The following MGAT5 variants were observed in gnomAD, a reference collection of about 807,000 sequenced individuals.
The protein encoded by MGAT5 is alpha-1,6-mannosylglycoprotein 6-beta-N-acetylglucosaminyltransferase A.
Under a neutral mutation model 94.3 loss-of-function variants are expected in MGAT5, and 30 were observed. The ratio of observed to expected loss-of-function variants is 0.32; its 90% confidence interval spans 0.24 to 0.43. The LOEUF (loss-of-function observed/expected upper bound fraction) is 0.43, where lower values mean the gene tolerates loss of function less well. Among genes scored for constraint, MGAT5 ranks in the 20% least tolerant of loss-of-function variants. The probability of loss-of-function intolerance (pLI) is 1.00; values close to 1 mark genes in which losing one functional copy is unlikely to be tolerated. For missense variants in MGAT5, 691 were observed against 905.5 expected (o/e 0.76, Z 3.04); for synonymous variants, 310 against 322.9 (o/e 0.96, Z 0.43).
chr2:134,159,370 T>G lies in MGAT5; in HGVS notation c.-143+39079T>G, dbSNP rs555068611. On this transcript the variant is annotated intron_variant, in intron 1 of 16. Transcript: ENST00000409645. ...AAGTGAATCTCTGGAGGAGAGAATG[T>G]TAAAGCATTTGAACGGTGACAAGAT... Among the ~76,000 whole-genome samples the G allele has an allele frequency of 1.1e-3, 160 of 152,272 alleles. 1 individual carries two copies. The highest frequency in any genetic ancestry group is 5.6e-3 in the South Asian group (27 of 4,826).
At chr2:134,380,245 A>T (rs1681450657) in intron 10 of MGAT5, among the ~76,000 whole-genome samples, 1 of 152,194 alleles carries the variant, frequency 6.6e-6, no homozygotes, top group Admixed American at 6.5e-5. Context: ...ACCTCATGGG[A>T]TTGTGGAAAG....
At chr2:134,368,283 C>T (rs1050306191) in intron 10 of MGAT5, among the ~76,000 whole-genome samples, 15 of 152,308 alleles carry the variant, frequency 9.8e-5, no homozygotes, top group African/African-American at 2.9e-4. Flanking sequence ...GGCTGCCCAC[C>T]GCAGGATCGC....
chr2:134,282,804 C>T (rs922680899), intron 2 of MGAT5, among the ~76,000 whole-genome samples: 1 of 152,146 alleles, frequency 6.6e-6, no homozygotes. Flanking sequence ...AAGAAAGCCT[C>T]TCTGAAGAAG....
At chr2:134,307,464 A>G (rs545273853) in intron 2 of MGAT5, among the ~76,000 whole-genome samples, 31 of 152,164 alleles carry the variant, frequency 2.0e-4, no homozygotes, top group Non-Finnish European at 4.0e-4. Context: ...TCTCCACTCA[A>G]AGAACATTAG....
chr2:134,172,580 T>G (rs891638123), intron 1 of MGAT5, among the ~76,000 whole-genome samples: 36 of 151,842 alleles, frequency 2.4e-4, no homozygotes, highest in African/African-American at 6.5e-4. Context: ...TAGAGACGGG[T>G]TTTCACCGTG....
chr2:134,258,239 C>T (rs895335933), intron 1 of MGAT5, among the ~76,000 whole-genome samples: 11 of 152,138 alleles, frequency 7.2e-5, no homozygotes, highest in East Asian at 1.9e-4. Flanking sequence ...CAGATAAACA[C>T]GGTAATTCCA....
chr2:134,189,592 G>GTTTTTTTTTTTTTTTTTTTTTTTTTTT (rs113582076), intron 1 of MGAT5, among the ~76,000 whole-genome samples: 8 of 56,272 alleles, frequency 1.4e-4, no homozygotes, highest in East Asian at 4.8e-4. Flanking sequence ...CATGGCTCTA[G>GTTTTTTTTTTTTTTTTTTTTTTTTTTT]TTTTTTTTTG....
At chr2:134,356,070 G>T (rs972806786) in intron 9 of MGAT5, among the ~76,000 whole-genome samples, 88 of 152,078 alleles carry the variant, frequency 5.8e-4, no homozygotes, top group Non-Finnish European at 1.3e-4. Flanking sequence ...ATTTATGCGT[G>T]TATGTGTTAA....
intron 10 of MGAT5, among the ~76,000 whole-genome samples, chr2:134,384,244 A>AT (rs1681823390): frequency 1.4e-5 from 2 of 147,276 alleles, no homozygotes; most frequent in Non-Finnish European, 3.0e-5. Context: ...TCATCCTCTC[A>AT]TCCAGATGTA....
rs183613170 is a variant in MGAT5 at position 134,387,013 on chromosome 2, T to G, written c.1381-15975T>G. On this transcript the variant is annotated intron_variant, in intron 10 of 15. Coordinates refer to ENST00000281923, the MANE Select transcript of MGAT5 (RefSeq NM_002410.5). Reference sequence around the variant, plus strand: ...GCGGTGGCTCACACATGTAATCCCATCACTTTGGGAGGCCAAGGTGGGCAG... The same window carrying G: ...GCGGTGGCTCACACATGTAATCCCAGCACTTTGGGAGGCCAAGGTGGGCAG... 4.4e-4 allele frequency among the ~76,000 whole-genome samples: 67 copies of G among 151,940 alleles called. 1 individual carries two copies. Among genetic ancestry groups the G allele is most frequent in the African/African-American group, 1.5e-3 (63 of 41,456 alleles).
chr2:134,278,535 A>G (rs1684513705), intron 2 of MGAT5, among the ~76,000 whole-genome samples: 1 of 152,100 alleles, frequency 6.6e-6, no homozygotes, highest in African/African-American at 2.4e-5. Flanking sequence ...GGTATAGGAG[A>G]GGGTCCCTGA....
chr2:134,356,961 T>G (rs1464721284), intron 9 of MGAT5, among the ~76,000 whole-genome samples: 1 of 152,208 alleles, frequency 6.6e-6, no homozygotes, highest in African/African-American at 2.4e-5. Context: ...CCTCCATGAC[T>G]TTATTGCTAC....
Position 134,318,715 on chromosome 2 carries a change from C to T in MGAT5, c.549C>T (p.Cys183=), listed in dbSNP as rs764582456. The change falls in exon 4 of 16, where the codon TGC becomes TGT. Residue 183 remains cysteine (C), a synonymous_variant. Transcript: ENST00000281923. Reference sequence around the variant, plus strand: ...ACTATGGAGTGGATGGATCCACCTGCTCTTTTTTTATTTACCTCAGTGAGG... The same window carrying T: ...ACTATGGAGTGGATGGATCCACCTGTTCTTTTTTTATTTACCTCAGTGAGG... ...YADYGVDGST[C]SFFIYLSEVE... is the part of the protein sequence containing the mutation. 3.7e-6 allele frequency: 6 copies of T among 1,613,274 alleles called. No individual in the cohort carries two copies. In the South Asian group the frequency reaches 6.6e-5, roughly 18 times the overall value.
At position 134,426,680 on chromosome 2, in the gene MGAT5, T is replaced by G. The variant is rs897752311; in HGVS notation, c.1795-1685T>G. Reference sequence around the variant, plus strand: ...CTCTAGGCCAGCAATAGAAAGCTTCTGGAGTCACCCATGGGTTGAGTAAAC... The same window carrying G: ...CTCTAGGCCAGCAATAGAAAGCTTCGGGAGTCACCCATGGGTTGAGTAAAC... On this transcript the variant is annotated intron_variant, in intron 13 of 15. Coordinates refer to ENST00000281923, the MANE Select transcript of MGAT5 (RefSeq NM_002410.5). Among the ~76,000 whole-genome samples, 189 of 151,528 alleles carry G rather than the reference T, an allele frequency of 1.2e-3. 2 individuals carry two copies. Among genetic ancestry groups the G allele is most frequent in the Non-Finnish European group, 2.1e-3 (146 of 68,036 alleles).
chr2:134,417,894 T>C (rs1044104619), intron 12 of MGAT5, among the ~76,000 whole-genome samples: 4 of 152,198 alleles, frequency 2.6e-5, no homozygotes, highest in African/African-American at 7.2e-5. Flanking sequence ...CTGATGGTGA[T>C]TTTCTGATTC....
At position 134,344,995 on chromosome 2, in the gene MGAT5, T is replaced by C; in HGVS notation, c.1043T>C (p.Leu348Pro). ...CPTVGDRIVE[L>P]IYIDIVGLAQ... ...ACTGTAGGAGACAGAATTGTTGAGC[T>C]CATTTACATTGATATTGTAGGACTT... Residue 348 changes from leucine to proline, a missense_variant, in exon 8 of 16, where the codon CTC becomes CCC. Leu to Pro is a moderately conservative substitution (Grantham distance 98). This residue lies in a region of MGAT5 where 121 missense variants were observed against 206.1 expected (regional missense o/e 0.59). Coordinates refer to ENST00000281923, the MANE Select transcript of MGAT5 (RefSeq NM_002410.5). 6.2e-7 allele frequency: 1 copy of C among 1,613,684 alleles called. No homozygotes were observed. Among genetic ancestry groups the C allele is most frequent in the Non-Finnish European group, 8.5e-7 (1 of 1,179,720 alleles).
rs530122592 is a variant in MGAT5 at position 134,172,668 on chromosome 2, G to C, written c.-143+52377G>C. On this transcript the variant is annotated intron_variant, in intron 1 of 16. Transcript: ENST00000409645. ...CCCAAAGTGCTGGGATTACAGGTGT[G>C]AGCCACCATGCCCAGCCAGTACTTC... Among the ~76,000 whole-genome samples the C allele has an allele frequency of 4.6e-5, 7 of 152,318 alleles. No individual in the cohort carries two copies. The South Asian group carries it at 1.0e-3, about 23-fold the overall frequency.
chr2:134,228,712 T>A (rs868656603), intron 1 of MGAT5, among the ~76,000 whole-genome samples: 12 of 152,312 alleles, frequency 7.9e-5, no homozygotes, highest in Middle Eastern at 6.8e-3. Context: ...GACCTTCTTT[T>A]ATGATGTGTG....
chr2:134,299,817 TC>T (rs1685908849), intron 2 of MGAT5, among the ~76,000 whole-genome samples: 2 of 152,164 alleles, frequency 1.3e-5, no homozygotes, highest in African/African-American at 2.4e-5. Flanking sequence ...AGTTCTCTCT[TC>T]CTGTAGCAAA....
Sources: allele counts gnomAD v4.1 joint callset (sites outside exome capture counted in the v4.1 genomes callset), GRCh38; gene constraint gnomAD v4.1.1; regional missense constraint gnomAD v4.1.1; transcripts MANE v1.5; gene names NCBI Gene and HGNC (gene_info 2026-07-23, HGNC 2026-07-21).